ZNF474: variants seen among roughly 807,000 people sequenced by gnomAD.
ZNF474 encodes 4933409D10Rik.
For missense variants in ZNF474, 511 were observed against 433.8 expected, an observed-to-expected ratio of 1.18 and a Z score of -1.58; for synonymous variants, 192 against 162.2, an observed-to-expected ratio of 1.18 and a Z score of -1.39.
intron 1 of ZNF474, among the ~76,000 whole-genome samples, chr5:122,144,083 T>A (rs1321231659): frequency 2.6e-5 from 4 of 152,200 alleles, no homozygotes; most frequent in African/African-American, 9.6e-5. Context: ...TAATAACTTA[T>A]GAAAATTCCT....
rs547706138 is a variant in ZNF474, at chr5:122,153,310, T to C, written c.*225T>C. 2 of 499,746 alleles carry C rather than the reference T, an allele frequency of 4.0e-6. No individual in the cohort carries two copies. The highest frequency in any genetic ancestry group is 3.2e-5 in the East Asian group (1 of 31,568). 31.0% of individuals were successfully genotyped at this position (499,746 alleles called of 1,614,324 possible). ...AAAGAAGAAGAGATGGACTTCTTTCTTCCCTGATCCCTGATACAAATAATC... is the reference window on the plus strand; with the variant it reads ...AAAGAAGAAGAGATGGACTTCTTTCCTCCCTGATCCCTGATACAAATAATC... On this transcript the variant is annotated 3_prime_UTR_variant, in exon 2 of 2. Transcript: ENST00000296600.
Position 122,136,276 on chromosome 5 carries a change from T to C in ZNF474, c.-213+6593T>C, listed in dbSNP as rs186680407. 3.4e-3 allele frequency among the ~76,000 whole-genome samples: 512 copies of C among 152,348 alleles called. 10 individuals carry two copies. The highest frequency in any genetic ancestry group is 8.3e-3 in the South Asian group (40 of 4,828). On this transcript the variant is annotated intron_variant, in intron 1 of 1. Transcript: ENST00000296600. ...ATGCCATAAATATGTACAACTATTA[T>C]GTATTCATAATAATTAAAAATTTAA...
At chr5:122,150,980 T>A (rs1030058482) in intron 1 of ZNF474, among the ~76,000 whole-genome samples, 1 of 152,212 alleles carries the variant, frequency 6.6e-6, no homozygotes, top group Non-Finnish European at 1.5e-5. Context: ...TGGAGAATTA[T>A]AGCTCCACTT....
In ZNF474 at chr5:122,153,376, G is replaced by A. The variant is rs1465781427; in HGVS notation, c.*291G>A. On this transcript the variant is annotated 3_prime_UTR_variant, in exon 2 of 2. Coordinates refer to ENST00000296600, the MANE Select transcript of ZNF474 (RefSeq NM_207317.3). ...AATTTGAAAATGAGTCATTAATGCT[G>A]TGTCTACATTACAGAGATATAATTC... 1.1e-5 allele frequency: 4 copies of A among 372,438 alleles called. No individual in the cohort carries two copies. Among genetic ancestry groups the A allele is most frequent in the Non-Finnish European group, 2.0e-5 (4 of 200,326 alleles). The allele number at this position is 372,438 out of a possible 1,614,324, so 23.1% of individuals were successfully genotyped here.
chr5:122,148,670 C>T (rs1292580433), intron 1 of ZNF474, among the ~76,000 whole-genome samples: 1 of 152,146 alleles, frequency 6.6e-6, no homozygotes, highest in African/African-American at 2.4e-5. Flanking sequence ...AGAATCTGTA[C>T]TGCACATCAC....
At chr5:122,146,396 A>G (rs1199919683) in intron 1 of ZNF474, among the ~76,000 whole-genome samples, 1 of 152,190 alleles carries the variant, frequency 6.6e-6, no homozygotes, top group Non-Finnish European at 1.5e-5. Flanking sequence ...AATCTCTAAA[A>G]AAGGAAGTGT....
rs766076765 is a variant in ZNF474 at position 122,152,757 on chromosome 5, T to C, written c.767T>C (p.Val256Ala). ...KWKMENDRLP[V>A]ELHQPLPQKP... is the part of the protein sequence containing the mutation. ...AAAATGGAAAATGACCGGCTCCCTG[T>C]GGAGCTCCACCAGCCACTCCCACAG... The change falls in exon 2 of 2, where the codon GTG becomes GCG. Residue 256 changes from valine to alanine, a missense_variant. Val to Ala is a moderately conservative substitution (Grantham distance 64). Transcript: ENST00000296600. The C allele has an allele frequency of 6.2e-7, 1 of 1,614,078 alleles. No homozygotes were observed. The highest frequency in any genetic ancestry group is 8.5e-7 in the Non-Finnish European group (1 of 1,180,002).
intron 1 of ZNF474, among the ~76,000 whole-genome samples, chr5:122,144,167 T>C (rs1298644674): frequency 6.6e-6 from 1 of 152,182 alleles, no homozygotes; most frequent in African/African-American, 2.4e-5. Context: ...TCAGCCCTAA[T>C]CTACTTTCAT....
intron 1 of ZNF474, among the ~76,000 whole-genome samples, chr5:122,135,624 C>G (rs918231711): frequency 1.3e-5 from 2 of 152,090 alleles, no homozygotes; most frequent in African/African-American, 4.8e-5. Context: ...TATGATCCAG[C>G]AAACTAACTG....
intron 1 of ZNF474, among the ~76,000 whole-genome samples, chr5:122,136,902 G>A (rs763690579): frequency 2.6e-5 from 4 of 152,112 alleles, no homozygotes; most frequent in Non-Finnish European, 5.9e-5. Context: ...ATTTTGTTAT[G>A]ACCTACAATG....
intron 1 of ZNF474, among the ~76,000 whole-genome samples, chr5:122,139,364 C>G (rs182290269): frequency 1.5e-4 from 23 of 152,272 alleles, no homozygotes; most frequent in Admixed American, 1.4e-3. Flanking sequence ...CTATATGAAA[C>G]AGGCTTCATT....
intron 1 of ZNF474, among the ~76,000 whole-genome samples, chr5:122,130,022 T>G (rs1387660293): frequency 6.6e-6 from 1 of 152,218 alleles, no homozygotes; most frequent in African/African-American, 2.4e-5. Context: ...TTTAAAAGAA[T>G]GATTTTTAAA....
intron 1 of ZNF474, among the ~76,000 whole-genome samples, chr5:122,151,279 C>T (rs1209737635): frequency 6.6e-6 from 1 of 152,132 alleles, no homozygotes. Context: ...AAATACTATT[C>T]TGAGAAGTGC....
At chr5:122,133,875 A>G (rs1755637135) in intron 1 of ZNF474, among the ~76,000 whole-genome samples, 1 of 152,242 alleles carries the variant, frequency 6.6e-6, no homozygotes, top group African/African-American at 2.4e-5. Flanking sequence ...TTATTTTAGA[A>G]TTCAAATCTT....
At chr5:122,134,247 T>TA (rs1452744108) in intron 1 of ZNF474, among the ~76,000 whole-genome samples, 1 of 152,166 alleles carries the variant, frequency 6.6e-6, no homozygotes, top group Non-Finnish European at 1.5e-5. Flanking sequence ...GTTAATCATT[T>TA]AAAAAGAATG....
At chr5:122,142,440 G>C (rs900731608) in intron 1 of ZNF474, among the ~76,000 whole-genome samples, 30 of 152,304 alleles carry the variant, frequency 2.0e-4, no homozygotes, top group African/African-American at 6.7e-4. Flanking sequence ...GGAGTGGAAG[G>C]AGGCTTTCTA....
chr5:122,151,528 C>T (rs574471165), intron 1 of ZNF474, among the ~76,000 whole-genome samples: 2 of 152,176 alleles, frequency 1.3e-5, no homozygotes, highest in South Asian at 4.2e-4. Context: ...ACTTTTTGGG[C>T]AGAACACGAT....
rs1455292701 is a variant in ZNF474 at position 122,153,118 on chromosome 5, C to T, written c.*33C>T. ...AGAGAAAACTATCCCCAGAATCAGC[C>T]ACCTCAGCCCCTAGTATTTTTTCTA... On this transcript the variant is annotated 3_prime_UTR_variant, in exon 2 of 2. Coordinates refer to ENST00000296600, the MANE Select transcript of ZNF474 (RefSeq NM_207317.3). 6.4e-7 allele frequency: 1 copy of T among 1,564,924 alleles called. No homozygotes were observed. Among genetic ancestry groups the T allele is most frequent in the East Asian group, 2.2e-5 (1 of 44,470 alleles).
intron 1 of ZNF474, among the ~76,000 whole-genome samples, chr5:122,148,248 G>A (rs1020734563): frequency 1.5e-4 from 23 of 152,226 alleles, no homozygotes; most frequent in African/African-American, 2.4e-4. Flanking sequence ...AGACACCTCC[G>A]TTCCCAAAAA....
Sources: gnomAD v4.1 joint callset for allele counts (sites outside exome capture counted in the v4.1 genomes callset) on GRCh38, gnomAD v4.1.1 for gene constraint, MANE v1.5 for transcripts, NCBI Gene and HGNC (gene_info 2026-07-23, HGNC 2026-07-21) for gene names.